The following ATG16L1 variants were observed in gnomAD, a reference collection of about 807,000 sequenced individuals.
ATG16L1 encodes the protein autophagy related 16 like 1, also known as autophagy-related protein 16-1.
In ATG16L1, 37 loss-of-function variants were observed where a neutral mutation model predicts 88.5. The ratio of observed to expected loss-of-function variants is 0.42; its 90% confidence interval spans 0.32 to 0.55. The LOEUF (loss-of-function observed/expected upper bound fraction) is 0.55. Among genes scored for constraint, ATG16L1 ranks in the 20% least tolerant of loss-of-function variants. The probability of loss-of-function intolerance (pLI) is 0.13; values close to 1 mark genes in which losing one functional copy is unlikely to be tolerated. For missense variants in ATG16L1, 554 were observed against 752.8 expected (o/e 0.74, Z 3.09); for synonymous variants, 301 against 281.0 (o/e 1.07, Z -0.71).
chr2:233,261,437 T>A (rs1697206393), intron 2 of ATG16L1, among the ~76,000 whole-genome samples: 1 of 152,170 alleles, frequency 6.6e-6, no homozygotes, highest in African/African-American at 2.4e-5. Context: ...TGATTTAGGA[T>A]GGTTTCATGT....
intron 10 of ATG16L1, among the ~76,000 whole-genome samples, chr2:233,278,139 CAG>C (rs1307089101): frequency 1.3e-5 from 2 of 152,150 alleles, no homozygotes; most frequent in Non-Finnish European, 1.5e-5. Context: ...CTTGAGGAAA[CAG>C]AGGCGTACTA....
intron 12 of ATG16L1, 168 bp downstream of exon 12, chr2:233,282,921 T>G (rs1224200505): frequency 1.7e-6 from 1 of 595,592 alleles, no homozygotes; most frequent in East Asian, 3.0e-5. Flanking sequence ...CACTTTATAC[T>G]CTTTGTCCAA....
intron 9 of ATG16L1, among the ~76,000 whole-genome samples, chr2:233,276,839 T>C (rs568486443): frequency 6.6e-6 from 1 of 152,214 alleles, no homozygotes; most frequent in Non-Finnish European, 1.5e-5. Flanking sequence ...TTTGCCAGTG[T>C]TTATGCCAGT....
intron 2 of ATG16L1, among the ~76,000 whole-genome samples, chr2:233,261,182 C>T (rs1017497179): frequency 6.6e-6 from 1 of 152,142 alleles, no homozygotes; most frequent in African/African-American, 2.4e-5. Context: ...ATCTCGATCT[C>T]CTGACCTCGT....
rs761276172 is a variant in ATG16L1, at chr2:233,273,069, G to T, written c.794+17G>T. ...AGCAGCCACGTAAGTAGGCAGGTTT[G>T]GGCCAGGGAAAAGACAGCTTGAGGA... On this transcript the variant is annotated intron_variant, in intron 7 of 17. Transcript: ENST00000392017. The T allele has an allele frequency of 8.1e-6, 13 of 1,609,926 alleles. No individual in the cohort carries two copies. In the East Asian group the frequency reaches 1.8e-4, roughly 22 times the overall value.
intron 9 of ATG16L1, among the ~76,000 whole-genome samples, chr2:233,276,591 G>A (rs531344193): frequency 1.8e-4 from 28 of 152,284 alleles, no homozygotes; most frequent in African/African-American, 6.5e-4. Context: ...TCCCACCTCA[G>A]CCTCTTGAGT....
chr2:233,279,091 TC>T (rs987834488), intron 10 of ATG16L1, among the ~76,000 whole-genome samples: 2 of 151,980 alleles, frequency 1.3e-5, no homozygotes, highest in African/African-American at 4.8e-5. Flanking sequence ...AGTGGGAAGA[TC>T]AATTGAGCCC....
At chr2:233,274,364 A>G (rs974580016) in intron 8 of ATG16L1, 6 of 437,778 alleles carry the variant, frequency 1.4e-5, no homozygotes, top group Non-Finnish European at 2.0e-5. Context: ...CTGTTACATT[A>G]AGTTGAGAAA....
intron 11 of ATG16L1, among the ~76,000 whole-genome samples, chr2:233,281,852 A>T (rs532102737): frequency 6.6e-6 from 1 of 152,078 alleles, no homozygotes; most frequent in Non-Finnish European, 1.5e-5. Context: ...CTGAGTGTCT[A>T]TGTTCCCAGC....
intron 8 of ATG16L1, chr2:233,274,118 C>T: frequency 7.2e-7 from 1 of 1,385,766 alleles, no homozygotes; most frequent in Non-Finnish European, 1.0e-6. Flanking sequence ...GCTTCACTGC[C>T]CTCAGTCATC....
chr2:233,262,222 A>G (rs1332226101), intron 2 of ATG16L1, among the ~76,000 whole-genome samples: 1 of 152,130 alleles, frequency 6.6e-6, no homozygotes, highest in Non-Finnish European at 1.5e-5. Flanking sequence ...TGGATCTAGA[A>G]TCAGACCGTA....
intron 16 of ATG16L1, among the ~76,000 whole-genome samples, 190 bp downstream of exon 16, chr2:233,292,624 A>G (rs768768857): frequency 6.6e-6 from 1 of 152,222 alleles, no homozygotes. Context: ...TTGTGATTAC[A>G]TGAACCTAAC....
chr2:233,292,322 C>T, intron 15 of ATG16L1, 45 bp downstream of exon 15: 1 of 1,610,540 alleles, frequency 6.2e-7, no homozygotes, highest in Non-Finnish European at 8.5e-7. Context: ...AGGCCCAGCC[C>T]TGCTCTCTTA....
chr2:233,259,294 A>T (rs1697032191), intron 2 of ATG16L1, among the ~76,000 whole-genome samples: 1 of 152,176 alleles, frequency 6.6e-6, no homozygotes, highest in Non-Finnish European at 1.5e-5. Context: ...CATAGGACAC[A>T]TGCAGAAAAT....
At chr2:233,289,071 C>A (rs4663136) in intron 12 of ATG16L1, 2 of 383,262 alleles carry the variant, frequency 5.2e-6, no homozygotes, top group South Asian at 2.0e-5. Flanking sequence ...AGCAGCATGG[C>A]GCAACATCGA....
At chr2:233,275,719 C>T (rs201852224) in intron 9 of ATG16L1, 99 of 518,250 alleles carry the variant, frequency 1.9e-4, no homozygotes, top group Non-Finnish European at 3.5e-4. Context: ...GCACCGGGCA[C>T]CTGCAGAGGT....
intron 1 of ATG16L1, among the ~76,000 whole-genome samples, chr2:233,254,376 T>C (rs1696630869): frequency 6.6e-6 from 1 of 152,132 alleles, no homozygotes. Flanking sequence ...TTTAGGGAGA[T>C]CATTTCTATT....
chr2:233,264,845 C>G (rs1697459270), intron 4 of ATG16L1, 47 bp from the exon 5 acceptor site: 1 of 1,607,138 alleles, frequency 6.2e-7, no homozygotes, highest in African/African-American at 1.3e-5. Flanking sequence ...GGCTCTGGCA[C>G]AGGGCTCTGG....
At chr2:233,270,218 T>C in intron 6 of ATG16L1, 151 bp downstream of exon 6, 2 of 505,294 alleles carry the variant, frequency 4.0e-6, no homozygotes, top group Admixed American at 4.3e-5. Flanking sequence ...TCATAGCTTC[T>C]AATGTTTTTA....
Sources: allele counts gnomAD v4.1 joint callset (sites outside exome capture counted in the v4.1 genomes callset), GRCh38; gene constraint gnomAD v4.1.1; transcripts MANE v1.5; gene names NCBI Gene and HGNC (gene_info 2026-07-23, HGNC 2026-07-21).